The following A2M variants were observed in gnomAD, a reference collection of about 807,000 sequenced individuals.
A2M encodes the protein alpha-2-macroglobulin, also known as C3 and PZP-like alpha-2-macroglobulin domain-containing protein 5.
Under a neutral mutation model 183.9 loss-of-function variants are expected in A2M, and 128 were observed. The observed-to-expected ratio is 0.70, with a 90% confidence interval of 0.60 to 0.81. The LOEUF (loss-of-function observed/expected upper bound fraction) is 0.81, where lower values mean the gene tolerates loss of function less well. A2M is among the 30% of genes least tolerant of loss of function. The pLI, the probability that A2M is intolerant of heterozygous loss-of-function variation, is 0.00. For missense variants in A2M, 1,495 were observed against 1,787.6 expected, an observed-to-expected ratio of 0.84 and a Z score of 2.95; for synonymous variants, 592 against 670.8, an observed-to-expected ratio of 0.88 and a Z score of 1.81.
chr12:9,113,263 T>C, intron 2 of A2M, 97 bp downstream of exon 2: 1 of 1,352,308 alleles, frequency 7.4e-7, no homozygotes, highest in Admixed American at 2.2e-5. Context: ...TTCCTGCAGT[T>C]CTTACCAACC....
intron 25 of A2M, 81 bp from the exon 26 acceptor site, chr12:9,077,938 A>G (rs1948796356): frequency 6.5e-7 from 1 of 1,548,184 alleles, no homozygotes; most frequent in East Asian, 2.3e-5. Context: ...GCTTCATATG[A>G]TGTGAGTTAG....
chr12:9,084,983 C>A (rs1949013512), intron 22 of A2M, among the ~76,000 whole-genome samples: 1 of 152,022 alleles, frequency 6.6e-6, no homozygotes, highest in African/African-American at 2.4e-5. Flanking sequence ...AAGGATATAA[C>A]AATTGTAAAT....
intron 34 of A2M, 38 bp downstream of exon 34, chr12:9,068,702 G>A: frequency 6.9e-7 from 1 of 1,451,654 alleles, no homozygotes; most frequent in Non-Finnish European, 9.5e-7. Flanking sequence ...CTGTGATCAG[G>A]AATTAAATAT....
chr12:9,070,533 C>A lies in A2M; in HGVS notation c.4149G>T (p.Val1383=). The part of the protein sequence containing the change: ...RSASNMAIVD[V]KMVSGFIPLK... ...GGGGAATGAAGCCAGAGACCATCTT[C>A]ACATCAACGATCGCCATGTTGGAGG... Residue 1383 remains valine, a synonymous_variant, in exon 32 of 36, where the codon GTG becomes GTT. Coordinates refer to ENST00000318602, the MANE Select transcript of A2M (RefSeq NM_000014.6). 1 of 1,613,874 alleles carries A rather than the reference C, an allele frequency of 6.2e-7. No individual in the cohort carries two copies. Among genetic ancestry groups the A allele is most frequent in the Non-Finnish European group, 8.5e-7 (1 of 1,179,846 alleles).
rs199849596 is a variant in A2M, at chr12:9,090,489, C to G, written c.2470-7G>C. 9.9e-6 allele frequency: 16 copies of G among 1,613,272 alleles called. No individual in the cohort carries two copies. In the Admixed American group the frequency reaches 1.7e-4, roughly 17 times the overall value. ...CTTCCAGCTGCACACTGACCTGAAACCACACATAAGAAAGGGAGTAGAGAG... is the reference window on the plus strand; with the variant it reads ...CTTCCAGCTGCACACTGACCTGAAAGCACACATAAGAAAGGGAGTAGAGAG... On this transcript the variant is annotated splice_region_variant and splice_polypyrimidine_tract_variant and intron_variant, in intron 19 of 35. Coordinates refer to ENST00000318602, the MANE Select transcript of A2M (RefSeq NM_000014.6).
At chr12:9,109,483 AG>A (rs1938562439) in intron 6 of A2M, 78 bp from the exon 7 acceptor site, 1 of 1,074,952 alleles carries the variant, frequency 9.3e-7, no homozygotes. Flanking sequence ...TCCCTGTAAC[AG>A]TTCCCTAATA....
At chr12:9,096,546 C>A (rs1436465431) in intron 15 of A2M, among the ~76,000 whole-genome samples, 1 of 152,194 alleles carries the variant, frequency 6.6e-6, no homozygotes, top group African/African-American at 2.4e-5. Flanking sequence ...TGCTCCAGAT[C>A]TTCATATAAT....
At chr12:9,077,889 T>C (rs1316034769) in intron 25 of A2M, 32 bp from the exon 26 acceptor site, 2 of 1,613,850 alleles carry the variant, frequency 1.2e-6, no homozygotes, top group Non-Finnish European at 1.7e-6. Flanking sequence ...ATGATGTTTA[T>C]GTTGTCAAAA....
intron 7 of A2M, 83 bp from the exon 8 acceptor site, chr12:9,107,727 A>G (rs1938406005): frequency 3.9e-6 from 6 of 1,525,152 alleles, no homozygotes; most frequent in African/African-American, 1.4e-5. Flanking sequence ...CCCTTTAGCT[A>G]CAGTATATTC....
chr12:9,098,305 A>G (rs1336367132), intron 15 of A2M: 2 of 162,166 alleles, frequency 1.2e-5, no homozygotes, highest in African/African-American at 2.4e-5. Context: ...AAGAAGCTTA[A>G]CGTGTCTGAA....
rs996245714 is a variant in A2M at position 9,102,165 on chromosome 12, C to T, written c.1267-491G>A. On this transcript the variant is annotated intron_variant, in intron 11 of 35. Coordinates refer to ENST00000318602, the MANE Select transcript of A2M (RefSeq NM_000014.6). ...AGAAAGCATTGGTTTAAGAGCTGAGCTGATGAATTAGCTGAAGTCTACCTC... is the reference window on the plus strand; with the variant it reads ...AGAAAGCATTGGTTTAAGAGCTGAGTTGATGAATTAGCTGAAGTCTACCTC... Among the ~76,000 whole-genome samples, 17 of 152,288 alleles carry T rather than the reference C, an allele frequency of 1.1e-4. No homozygotes were observed. The South Asian group carries it at 1.9e-3, about 17-fold the overall frequency.
rs749827210 is a variant in A2M, at chr12:9,079,711, G to A, written c.2959C>T (p.Leu987=). 11 of 1,613,560 alleles carry A rather than the reference G, an allele frequency of 6.8e-6. No individual in the cohort carries two copies. Among genetic ancestry groups the A allele is most frequent in the African/African-American group, 1.3e-5 (1 of 74,904 alleles). ...MVLFAPNIYV[L]DYLNETQQLT... ...TGCTGTGTTTCATTTAGATAATCCA[G>A]TACATAGATGTTAGGAGCAAAGAGG... The change falls in exon 24 of 36, where the codon CTG becomes TTG. Residue 987 remains leucine (L), a synonymous_variant. Coordinates refer to ENST00000318602, the MANE Select transcript of A2M (RefSeq NM_000014.6).
chr12:9,097,707 C>T (rs1278177858), intron 15 of A2M, among the ~76,000 whole-genome samples: 1 of 148,724 alleles, frequency 6.7e-6, no homozygotes, highest in African/African-American at 2.5e-5. Flanking sequence ...GATCTCGGCT[C>T]ACTCAACCTC....
chr12:9,091,446 G>C lies in A2M; in HGVS notation c.2241-17C>G. Reference sequence around the variant, plus strand: ...CCTGCTGAGCTGGAGAGGAGTGTAAGTGAAGAACAGAAAGTAAGCAGTTAA... The same window carrying C: ...CCTGCTGAGCTGGAGAGGAGTGTAACTGAAGAACAGAAAGTAAGCAGTTAA... On this transcript the variant is annotated splice_polypyrimidine_tract_variant and intron_variant, in intron 18 of 35. Transcript: ENST00000318602. The C allele has an allele frequency of 6.2e-7, 1 of 1,613,106 alleles. No individual in the cohort carries two copies. Among genetic ancestry groups the C allele is most frequent in the Non-Finnish European group, 8.5e-7 (1 of 1,179,172 alleles).
At position 9,109,766 on chromosome 12, in the gene A2M, AC is replaced by A. The variant is rs1938583212; in HGVS notation, c.673+100del. The A allele has an allele frequency of 6.0e-6, 7 of 1,171,450 alleles. No individual in the cohort carries two copies. In the African/African-American group the frequency reaches 9.2e-5, roughly 15 times the overall value. 72.6% of individuals were successfully genotyped at this position (1,171,450 alleles called of 1,614,324 possible). ...TTAATTCTACTCCAAGCCCAATGTC[AC>A]CCATGGGAAATGGAAAGACTCCAAA... On this transcript the variant is annotated intron_variant, in intron 6 of 35. Transcript: ENST00000318602.
intron 33 of A2M, 57 bp from the exon 34 acceptor site, chr12:9,068,899 T>G (rs1948476929): frequency 7.9e-6 from 10 of 1,267,976 alleles, no homozygotes; most frequent in African/African-American, 1.5e-5. Context: ...TCTCTTTGAA[T>G]TAGTTTAAGT....
At chr12:9,068,134 C>T in intron 35 of A2M, 49 bp downstream of exon 35, 1 of 1,600,850 alleles carries the variant, frequency 6.2e-7, no homozygotes, top group Non-Finnish European at 8.5e-7. Flanking sequence ...GTTTGGGGGG[C>T]AAGCTGAAGG....
chr12:9,090,866 G>T (rs957432779), intron 19 of A2M, among the ~76,000 whole-genome samples: 1 of 152,068 alleles, frequency 6.6e-6, no homozygotes, highest in Non-Finnish European at 1.5e-5. Context: ...TTTAAAATTA[G>T]GTTTAATATA....
intron 11 of A2M, among the ~76,000 whole-genome samples, chr12:9,102,054 G>A (rs1216458184): frequency 2.0e-5 from 3 of 152,160 alleles, no homozygotes; most frequent in African/African-American, 7.2e-5. Flanking sequence ...CTTTCAGAAA[G>A]CAGCTGCCTC....
Sources: gnomAD v4.1 joint callset for allele counts (sites outside exome capture counted in the v4.1 genomes callset) on GRCh38, gnomAD v4.1.1 for gene constraint, MANE v1.5 for transcripts, NCBI Gene and HGNC (gene_info 2026-07-23, HGNC 2026-07-21) for gene names.